The following SMOC2 variants were observed in gnomAD, a reference collection of about 807,000 sequenced individuals.
The protein encoded by SMOC2 is SPARC related modular calcium binding 2.
Under a neutral mutation model 61.4 loss-of-function variants are expected in SMOC2, and 39 were observed. The ratio of observed to expected loss-of-function variants is 0.64; its 90% CI spans 0.49 to 0.83. The LOEUF is 0.83. SMOC2 is among the 40% of genes least tolerant of loss of function. SMOC2 has a pLI of 0.00. For missense variants in SMOC2, 556 were observed against 592.9 expected, an observed-to-expected ratio of 0.94 and a Z score of 0.65; for synonymous variants, 247 against 239.9, an observed-to-expected ratio of 1.03 and a Z score of -0.27.
rs73270931 is a variant in SMOC2, at chr6:168,443,355, C to T, written c.84+1901C>T. On this transcript the variant is annotated intron_variant, in intron 1 of 12. Transcript: ENST00000356284. Reference sequence around the variant, plus strand: ...TTACTTGAACCCTCTCACCTTTTGCCCCCTTGAGGTTGCCCCAAGGATGTC... The same window carrying T: ...TTACTTGAACCCTCTCACCTTTTGCTCCCTTGAGGTTGCCCCAAGGATGTC... Among the ~76,000 whole-genome samples the T allele has an allele frequency of 4.1e-3, 628 of 152,294 alleles. 7 individuals carry two copies. The highest frequency in any genetic ancestry group is 0.014 in the African/African-American group (589 of 41,554).
At chr6:168,595,435 C>G (rs901392009) in intron 7 of SMOC2, among the ~76,000 whole-genome samples, 9 of 152,214 alleles carry the variant, frequency 5.9e-5, no homozygotes, top group Non-Finnish European at 1.3e-4. Context: ...AAGGACTTGT[C>G]TCCTGCCAGA....
chr6:168,480,914 TC>T (rs1164048714), intron 1 of SMOC2, among the ~76,000 whole-genome samples: 1 of 152,082 alleles, frequency 6.6e-6, no homozygotes, highest in Non-Finnish European at 1.5e-5. Flanking sequence ...GCAGATAAAT[TC>T]AGGGTGCTAA....
chr6:168,602,508 A>G (rs1168139689), intron 8 of SMOC2, among the ~76,000 whole-genome samples: 2 of 152,178 alleles, frequency 1.3e-5, no homozygotes, highest in Non-Finnish European at 2.9e-5. Flanking sequence ...ATTGGCCGGA[A>G]TATCACTGAA....
rs953054885 is a variant in SMOC2 at position 168,652,076 on chromosome 6, C to T, written c.1011-878C>T. 2.6e-5 allele frequency among the ~76,000 whole-genome samples: 4 copies of T among 151,038 alleles called. No individual in the cohort carries two copies. In the South Asian group the frequency reaches 8.3e-4, roughly 31 times the overall value. ...AAAAAAAAATTTTAATAGAGTCAAA[C>T]TGTATGTAAATTTCAACTTTACATC... On this transcript the variant is annotated intron_variant, in intron 10 of 12. Transcript: ENST00000356284.
intron 9 of SMOC2, among the ~76,000 whole-genome samples, chr6:168,616,000 A>C (rs73238886): frequency 2.6e-5 from 4 of 151,920 alleles, no homozygotes; most frequent in Non-Finnish European, 4.4e-5. Flanking sequence ...GGAGCAACAC[A>C]TTCCTGCCAG....
At position 168,625,218 on chromosome 6, in the gene SMOC2, C is replaced by A. The variant is rs142775947; in HGVS notation, c.907+16979C>A. The stretch of plus-strand genomic sequence containing the variant: ...GGGTCGTCCTCACCGTGAAGACCCG[C>A]ATCTGCTCAGGCACTGGAGATGCAG... On this transcript the variant is annotated intron_variant, in intron 9 of 12. Coordinates refer to ENST00000356284, the MANE Select transcript of SMOC2 (RefSeq NM_001166412.2). Among the ~76,000 whole-genome samples the A allele has an allele frequency of 2.2e-3, 338 of 152,376 alleles. 1 individual carries two copies. Among genetic ancestry groups the A allele is most frequent in the African/African-American group, 7.8e-3 (323 of 41,592 alleles).
In SMOC2 at chr6:168,463,394, C is replaced by T. The variant is rs1334506527; in HGVS notation, c.84+21940C>T. 2.6e-5 allele frequency among the ~76,000 whole-genome samples: 4 copies of T among 152,262 alleles called. No homozygotes were observed. In the East Asian group the frequency reaches 5.8e-4, roughly 22 times the overall value. On this transcript the variant is annotated intron_variant, in intron 1 of 12. Transcript: ENST00000356284. ...GTTGCTGCGTATGTGCTGAAATACACGAGGCTCATTCCCCAGTGAGGCCTG... is the reference window on the plus strand; with the variant it reads ...GTTGCTGCGTATGTGCTGAAATACATGAGGCTCATTCCCCAGTGAGGCCTG...
intron 1 of SMOC2, among the ~76,000 whole-genome samples, chr6:168,486,977 G>C (rs1782352942): frequency 1.3e-5 from 2 of 152,166 alleles, no homozygotes; most frequent in Non-Finnish European, 2.9e-5. Context: ...CTCATTAGAA[G>C]GGCCTTTGCA....
rs1266229108 is a variant in SMOC2 at position 168,600,420 on chromosome 6, AAC to A, written c.824+1418_824+1419del. Among the ~76,000 whole-genome samples the A allele has an allele frequency of 5.0e-3, 174 of 34,586 alleles. 34 individuals are homozygous for A. In the East Asian group the frequency reaches 0.11, roughly 22 times the overall value. 22.7% of individuals were successfully genotyped at this position (34,586 alleles called of 152,430 possible). ...GAAACTCTGCCTCAAAAAAAAAAAA[AAC>A]AAAAAAAAAAACAAAAAAAAAAACA... On this transcript the variant is annotated intron_variant, in intron 8 of 12. Transcript: ENST00000356284.
At position 168,527,784 on chromosome 6, in the gene SMOC2, C is replaced by G. The variant is rs1227456642; in HGVS notation, c.463+57C>G. The G allele has an allele frequency of 3.4e-6, 4 of 1,173,568 alleles. No homozygotes were observed. The East Asian group carries it at 1.0e-4, about 30-fold the overall frequency. The allele number at this position is 1,173,568 out of a possible 1,614,324, so 72.7% of individuals were successfully genotyped here. ...CTTGAAGGGAATTGGTTTGCCGTTT[C>G]TTCTCATCATCTTCCCTGGGTTTAC... On this transcript the variant is annotated intron_variant, in intron 4 of 12. Coordinates refer to ENST00000356284, the MANE Select transcript of SMOC2 (RefSeq NM_001166412.2).
chr6:168,444,669 G>A (rs375940773), intron 1 of SMOC2, among the ~76,000 whole-genome samples: 20 of 152,290 alleles, frequency 1.3e-4, no homozygotes, highest in African/African-American at 4.3e-4. Context: ...ATGCCACACC[G>A]TGCCCATTTT....
At position 168,545,337 on chromosome 6, in the gene SMOC2, G is replaced by A. The variant is rs556670740; in HGVS notation, c.511+1665G>A. On this transcript the variant is annotated intron_variant, in intron 5 of 12. Coordinates refer to ENST00000356284, the MANE Select transcript of SMOC2 (RefSeq NM_001166412.2). Reference sequence around the variant, plus strand: ...AAGAACACACCCCCCACTTTAGGCCGGAATACGCAGAGGGGATACCTGGAT... The same window carrying A: ...AAGAACACACCCCCCACTTTAGGCCAGAATACGCAGAGGGGATACCTGGAT... 2.2e-4 allele frequency among the ~76,000 whole-genome samples: 34 copies of A among 152,234 alleles called. No individual in the cohort carries two copies. In the East Asian group the frequency reaches 3.1e-3, roughly 14 times the overall value.
intron 1 of SMOC2, among the ~76,000 whole-genome samples, chr6:168,459,359 C>T (rs188002655): frequency 4.6e-5 from 7 of 152,212 alleles, no homozygotes; most frequent in East Asian, 1.9e-4. Context: ...CGGCAGGAAG[C>T]GTGACATTGA....
At chr6:168,445,838 A>G (rs569460205) in intron 1 of SMOC2, among the ~76,000 whole-genome samples, 1 of 152,378 alleles carries the variant, frequency 6.6e-6, no homozygotes, top group South Asian at 2.1e-4. Flanking sequence ...TGTGAAATCA[A>G]GACCGTAAAT....
chr6:168,483,245 A>G (rs749417722), intron 1 of SMOC2, among the ~76,000 whole-genome samples: 2 of 152,026 alleles, frequency 1.3e-5, no homozygotes, highest in Non-Finnish European at 2.9e-5. Context: ...TCAGAAAAGT[A>G]GCAGGATATA....
At position 168,570,125 on chromosome 6, in the gene SMOC2, C is replaced by T. The variant is rs183170068; in HGVS notation, c.637+20922C>T. On this transcript the variant is annotated intron_variant, in intron 7 of 12. Coordinates refer to ENST00000356284, the MANE Select transcript of SMOC2 (RefSeq NM_001166412.2). ...CTTGCTTCGCTACTTTGGGAACCATCAGCTGCCTCTGTGGGGGTCGGGGGA... is the reference window on the plus strand; with the variant it reads ...CTTGCTTCGCTACTTTGGGAACCATTAGCTGCCTCTGTGGGGGTCGGGGGA... Among the ~76,000 whole-genome samples, 75 of 149,326 alleles carry T rather than the reference C, an allele frequency of 5.0e-4. 1 individual carries two copies. The highest frequency in any genetic ancestry group is 1.8e-3 in the African/African-American group (73 of 40,396).
intron 9 of SMOC2, among the ~76,000 whole-genome samples, chr6:168,629,079 C>T (rs561274764): frequency 6.6e-6 from 1 of 152,364 alleles, no homozygotes; most frequent in South Asian, 2.1e-4. Context: ...GACAGCCCTG[C>T]TTGCTGCCTC....
chr6:168,655,587 G>C (rs2298292), intron 11 of SMOC2: 15 of 351,324 alleles, frequency 4.3e-5, no homozygotes, highest in Non-Finnish European at 5.2e-5. Context: ...CTAGATACCC[G>C]GCACATGTGT....
Position 168,657,058 on chromosome 6 carries a change from G to T in SMOC2, c.1285+3830G>T, listed in dbSNP as rs974796594. Among the ~76,000 whole-genome samples, 7 of 152,222 alleles carry T rather than the reference G, an allele frequency of 4.6e-5. 1 individual carries two copies. Among genetic ancestry groups the T allele is most frequent in the Admixed American group, 4.6e-4 (7 of 15,282 alleles). On this transcript the variant is annotated intron_variant, in intron 11 of 12. Transcript: ENST00000356284. The stretch of plus-strand genomic sequence containing the variant: ...GCCTCTAATAAGACAAAAAAGAAAA[G>T]AAATCACTCTGGGCTGATCAACTGC...
Sources: gnomAD v4.1 joint callset for allele counts (sites outside exome capture counted in the v4.1 genomes callset) on GRCh38, gnomAD v4.1.1 for gene constraint, MANE v1.5 for transcripts, NCBI Gene and HGNC (gene_info 2026-07-23, HGNC 2026-07-21) for gene names.